EN1: variants seen among roughly 807,000 people sequenced by gnomAD.
EN1 encodes the protein homeobox protein engrailed-1.
In EN1, 8 loss-of-function variants were observed where a neutral mutation model predicts 22.9. That is an observed-to-expected ratio of 0.35 (90% CI 0.20 to 0.63). The LOEUF (loss-of-function observed/expected upper bound fraction) is 0.63, where lower values mean the gene tolerates loss of function less well. Among genes scored for constraint, EN1 ranks in the 20% least tolerant of loss-of-function variants. EN1 has a pLI of 0.73. For missense variants in EN1, 521 were observed against 572.1 expected, an observed-to-expected ratio of 0.91 and a Z score of 0.91; for synonymous variants, 287 against 262.5, an observed-to-expected ratio of 1.09 and a Z score of -0.90.
Position 118,846,196 on chromosome 2 carries a change from G to C in EN1, c.862+110C>G. The C allele has an allele frequency of 6.8e-7, 1 of 1,476,990 alleles. No individual in the cohort carries two copies. Among genetic ancestry groups the C allele is most frequent in the Non-Finnish European group, 9.1e-7 (1 of 1,104,168 alleles). The allele number at this position is 1,476,990 out of a possible 1,614,324, so 91.5% of individuals were successfully genotyped here. ...AACTGGGGTGAGGAAGCAGGCGTGA[G>C]AGACTGGAGTACCCGAGGCCGGGTT... On this transcript the variant is annotated intron_variant, in intron 1 of 1. Coordinates refer to ENST00000295206, the MANE Select transcript of EN1 (RefSeq NM_001426.4). This position sits in a 1 kb window ranked among gnomAD's most constrained non-coding sequence, Gnocchi z 5.0.
At chr2:118,843,371 G>A (rs1558800456) in intron 1 of EN1, 117 bp from the exon 2 acceptor site, 15 of 926,154 alleles carry the variant, frequency 1.6e-5, no homozygotes, top group Non-Finnish European at 2.4e-5. Flanking sequence ...CGCGAGCCCC[G>A]CGCTTCCGGG....
Position 118,847,229 on chromosome 2 carries a change from AC to A in EN1, c.-63del. ...CCCCGCCCCCACCGCCTCGCTCCCC[AC>A]CCCACTTTGCCAGCGGCCCGTGGGG... is the stretch of plus-strand genomic sequence containing the variant. On this transcript the variant is annotated 5_prime_UTR_variant, in exon 1 of 2. Coordinates refer to ENST00000295206, the MANE Select transcript of EN1 (RefSeq NM_001426.4). 1 of 499,410 alleles carries A rather than the reference AC, an allele frequency of 2.0e-6. No individual in the cohort carries two copies. Among genetic ancestry groups the A allele is most frequent in the Non-Finnish European group, 3.2e-6 (1 of 309,324 alleles). The allele number at this position is 499,410 out of a possible 1,614,324, so 30.9% of individuals were successfully genotyped here.
rs1052346035 is a variant in EN1 at position 118,847,044 on chromosome 2, C to A, written c.124G>T (p.Gly42Cys). The change falls in exon 1 of 2, where the codon GGC (glycine) becomes TGC (cysteine). Residue 42 changes from glycine to cysteine, a missense_variant. Gly to Cys is a radical substitution (Grantham distance 159, BLOSUM62 -3). Coordinates refer to ENST00000295206, the MANE Select transcript of EN1 (RefSeq NM_001426.4). ...ACCGGCACGCTGTCTCCATCGCTGCCGCTGCCGCTGCTGCCGCTGGCGCCC... is the reference window on the plus strand; with the variant it reads ...ACCGGCACGCTGTCTCCATCGCTGCAGCTGCCGCTGCTGCCGCTGGCGCCC... ...SPGASGSSGS[G>C]SDGDSVPVSP... 553 of 1,413,712 alleles carry A rather than the reference C, an allele frequency of 3.9e-4. 1 individual carries two copies. Among genetic ancestry groups the A allele is most frequent in the Non-Finnish European group, 4.9e-4 (527 of 1,086,426 alleles). 87.6% of individuals were successfully genotyped at this position (1,413,712 alleles called of 1,614,324 possible).
chr2:118,846,348 C>A lies in EN1; in HGVS notation c.820G>T (p.Ala274Ser), dbSNP rs1678267455. The change falls in exon 1 of 2, where the codon GCC becomes TCC. Residue 274 changes from alanine (A) to serine (S), a missense_variant. Coordinates refer to ENST00000295206, the MANE Select transcript of EN1 (RefSeq NM_001426.4). This position sits in a 1 kb window ranked among gnomAD's most constrained non-coding sequence, Gnocchi z 5.0. ...GAATAACGTGTGCAGTACACCCAGG[C>A]GGGCCATACGAGAGGCTGCTGCGAG... ...TDSQQPLVWP[A>S]WVYCTRYSDR... is the part of the protein sequence containing the mutation. The A allele has an allele frequency of 6.2e-7, 1 of 1,612,670 alleles. No homozygotes were observed. Among genetic ancestry groups the A allele is most frequent in the Non-Finnish European group, 8.5e-7 (1 of 1,179,568 alleles).
At chr2:118,843,301 G>A in intron 1 of EN1, 47 bp from the exon 2 acceptor site, 1 of 1,121,534 alleles carries the variant, frequency 8.9e-7, no homozygotes, top group Non-Finnish European at 1.2e-6. Context: ...GGGGACCGAG[G>A]GCAGAAGGGA....
chr2:118,846,160 GT>G lies in EN1; in HGVS notation c.862+145del. The G allele has an allele frequency of 7.8e-7, 1 of 1,280,840 alleles. No homozygotes were observed. The highest frequency in any genetic ancestry group is 2.8e-5 in the East Asian group (1 of 35,934). 79.3% of individuals were successfully genotyped at this position (1,280,840 alleles called of 1,614,324 possible). On this transcript the variant is annotated intron_variant, in intron 1 of 1. Transcript: ENST00000295206. This position sits in a 1 kb window ranked among gnomAD's most constrained non-coding sequence, Gnocchi z 5.0. ...GATCGCATAGCTGGATGAACATTCG[GT>G]TGTGACTGGAACTGGGGTGAGGAAG...
At position 118,847,488 on chromosome 2, in the gene EN1, A is replaced by T. The variant is rs1015795399; in HGVS notation, c.-321T>A. The T allele has an allele frequency of 8.2e-6, 2 of 243,834 alleles. No individual in the cohort carries two copies. The highest frequency in any genetic ancestry group is 4.5e-5 in the African/African-American group (2 of 44,400). The allele number at this position is 243,834 out of a possible 1,614,324, so 15.1% of individuals were successfully genotyped here. On this transcript the variant is annotated 5_prime_UTR_variant, in exon 1 of 2. Transcript: ENST00000295206. ...AATGGGGAGTAAGCCACGGCCAAAAAAATGAAGGAAAAAAAGAAAAAGAAA... is the reference window on the plus strand; with the variant it reads ...AATGGGGAGTAAGCCACGGCCAAAATAATGAAGGAAAAAAAGAAAAAGAAA...
rs1023586924 is a variant in EN1 at position 118,847,300 on chromosome 2, G to A, written c.-133C>T. 2.5e-6 allele frequency: 1 copy of A among 407,232 alleles called. No individual in the cohort carries two copies. The highest frequency in any genetic ancestry group is 4.3e-6 in the Non-Finnish European group (1 of 232,784). The allele number at this position is 407,232 out of a possible 1,614,324, so 25.2% of individuals were successfully genotyped here. On this transcript the variant is annotated 5_prime_UTR_variant, in exon 1 of 2. Transcript: ENST00000295206. ...AGGCGAAGCCTCAGCGAAGGCACGG[G>A]GCGGGTGCAGGAAAAAAGCTCAGGC... is the stretch of plus-strand genomic sequence containing the variant.
At chr2:118,843,356 T>G in intron 1 of EN1, 102 bp from the exon 2 acceptor site, 1 of 1,048,758 alleles carries the variant, frequency 9.5e-7, no homozygotes, top group Non-Finnish European at 1.3e-6. Flanking sequence ...ATTGCCGAGC[T>G]GGGCCGCGAG....
At chr2:118,843,577 C>A (rs976170428) in intron 1 of EN1, among the ~76,000 whole-genome samples, 2 of 152,166 alleles carry the variant, frequency 1.3e-5, no homozygotes, top group African/African-American at 4.8e-5. Context: ...AGACCGAAAT[C>A]ACAACATTTC....
chr2:118,845,696 GTTTCTACCCACCCGGGTCAGACTCT>G (rs1271491402), intron 1 of EN1, among the ~76,000 whole-genome samples: 5 of 152,132 alleles, frequency 3.3e-5, no homozygotes, highest in Non-Finnish European at 5.9e-5. Context: ...CCTTTCCCTG[GTTTCTACCCACCCGGGTCAGACTCT>G]TTTCGCTACC....
intron 1 of EN1, among the ~76,000 whole-genome samples, chr2:118,844,816 TG>T (rs1678244083): frequency 6.6e-6 from 1 of 152,196 alleles, no homozygotes. Context: ...GAGAAGGAGC[TG>T]GTCCCCTACC....
At chr2:118,845,718 C>T (rs1328557525) in intron 1 of EN1, among the ~76,000 whole-genome samples, 1 of 152,228 alleles carries the variant, frequency 6.6e-6, no homozygotes, top group African/African-American at 2.4e-5. Flanking sequence ...CCGGGTCAGA[C>T]TCTTTTCGCT....
chr2:118,842,647 G>T lies in EN1; in HGVS notation c.*291C>A, dbSNP rs1678208468. On this transcript the variant is annotated 3_prime_UTR_variant, in exon 2 of 2. Coordinates refer to ENST00000295206, the MANE Select transcript of EN1 (RefSeq NM_001426.4). ...CCTGAAATTAAATATATACAAGGTC[G>T]TAAGCGGTTTGGCTAGATAGAGCTT... 1 of 330,506 alleles carries T rather than the reference G, an allele frequency of 3.0e-6. No homozygotes were observed. The highest frequency in any genetic ancestry group is 5.5e-6 in the Non-Finnish European group (1 of 182,634). The allele number at this position is 330,506 out of a possible 1,614,324, so 20.5% of individuals were successfully genotyped here.
At chr2:118,843,689 A>G (rs1573315304) in intron 1 of EN1, among the ~76,000 whole-genome samples, 1 of 152,076 alleles carries the variant, frequency 6.6e-6, no homozygotes, top group East Asian at 1.9e-4. Context: ...CCGCCCCGGA[A>G]TAGATAGGAC....
At position 118,847,312 on chromosome 2, in the gene EN1, A is replaced by C; in HGVS notation, c.-145T>G. On this transcript the variant is annotated 5_prime_UTR_variant, in exon 1 of 2. Transcript: ENST00000295206. ...AGCGAAGGCACGGGGCGGGTGCAGGAAAAAAGCTCAGGCGTCTGGCCTGGA... is the reference window on the plus strand; with the variant it reads ...AGCGAAGGCACGGGGCGGGTGCAGGCAAAAAGCTCAGGCGTCTGGCCTGGA... 1 of 403,322 alleles carries C rather than the reference A, an allele frequency of 2.5e-6. No homozygotes were observed. Among genetic ancestry groups the C allele is most frequent in the African/African-American group, 2.1e-5 (1 of 47,450 alleles). The allele number at this position is 403,322 out of a possible 1,614,324, so 25.0% of individuals were successfully genotyped here.
At position 118,847,204 on chromosome 2, in the gene EN1, C is replaced by T; in HGVS notation, c.-37G>A. ...CCGCCGCCCCGGCCGCCGCGCCGGC[C>T]CCCGCCCCCACCGCCTCGCTCCCCA... On this transcript the variant is annotated 5_prime_UTR_variant, in exon 1 of 2. Coordinates refer to ENST00000295206, the MANE Select transcript of EN1 (RefSeq NM_001426.4). The T allele has an allele frequency of 1.6e-6, 1 of 643,164 alleles. No homozygotes were observed. The highest frequency in any genetic ancestry group is 1.9e-5 in the African/African-American group (1 of 51,460). 39.8% of individuals were successfully genotyped at this position (643,164 alleles called of 1,614,324 possible). A position where few individuals can be genotyped will look rare whatever the true frequency, so the allele number is the denominator to read the frequency against.
At position 118,842,912 on chromosome 2, in the gene EN1, G is replaced by T; in HGVS notation, c.*26C>A. 1 of 1,583,840 alleles carries T rather than the reference G, an allele frequency of 6.3e-7. No homozygotes were observed. Among genetic ancestry groups the T allele is most frequent in the Non-Finnish European group, 8.6e-7 (1 of 1,160,818 alleles). On this transcript the variant is annotated 3_prime_UTR_variant, in exon 2 of 2. Transcript: ENST00000295206. ...GACGGCGGCGGTGCCGGGAGGGGGC[G>T]CGGGCGCGGCCCCGGCCTGTGGCGG...
At position 118,843,205 on chromosome 2, in the gene EN1, C is replaced by T. The variant is rs150977527; in HGVS notation, c.912G>A (p.Lys304=). The change falls in exon 2 of 2, where the codon AAG becomes AAA. Residue 304 remains lysine, a synonymous_variant. Transcript: ENST00000295206. ...LKKKKNEKED[K]RPRTAFTAEQ... ...CGGCCGTGAACGCGGTCCGCGGCCG[C>T]TTGTCCTCCTTCTCGTTCTTCTTCT... The T allele has an allele frequency of 8.7e-5, 131 of 1,502,658 alleles. No individual in the cohort carries two copies. The highest frequency in any genetic ancestry group is 1.0e-4 in the Non-Finnish European group (117 of 1,114,518). 93.1% of individuals were successfully genotyped at this position (1,502,658 alleles called of 1,614,324 possible). A position where few individuals can be genotyped will look rare whatever the true frequency, so the allele number is the denominator to read the frequency against.
Sources: gnomAD v4.1 joint callset for allele counts (sites outside exome capture counted in the v4.1 genomes callset) on GRCh38, gnomAD v4.1.1 for gene constraint, Gnocchi (gnomAD v3.1) non-coding constraint, MANE v1.5 for transcripts, NCBI Gene and HGNC (gene_info 2026-07-23, HGNC 2026-07-21) for gene names.